The following CSRNP3 variants were observed in gnomAD, a reference collection of about 807,000 sequenced individuals.
The protein encoded by CSRNP3 is cysteine and serine rich nuclear protein 3, also known as cysteine/serine-rich nuclear protein 3.
In CSRNP3, 12 loss-of-function variants were observed where a neutral mutation model predicts 48.0. The observed-to-expected ratio is 0.25, with a 90% CI of 0.16 to 0.41. CSRNP3 has a LOEUF of 0.41. Ranked by LOEUF, CSRNP3 falls within the 10% of genes least tolerant of loss-of-function variation. The pLI is 1.00. For synonymous variants in CSRNP3, 263 were observed against 269.7 expected, an observed-to-expected ratio of 0.98 and a Z score of 0.24; for missense variants, 580 against 724.4, an observed-to-expected ratio of 0.80 and a Z score of 2.29.
chr2:165,636,820 T>C (rs914880880), intron 4 of CSRNP3, among the ~76,000 whole-genome samples: 1 of 152,236 alleles, frequency 6.6e-6, no homozygotes, highest in African/African-American at 2.4e-5. Flanking sequence ...TATTAAGCAT[T>C]AATTAGTTCA....
intron 3 of CSRNP3, among the ~76,000 whole-genome samples, chr2:165,521,443 C>T (rs898033844): frequency 6.6e-6 from 1 of 152,154 alleles, no homozygotes; most frequent in Non-Finnish European, 1.5e-5. Flanking sequence ...ATTTGCTTTA[C>T]AAAATTGCCA....
intron 4 of CSRNP3, among the ~76,000 whole-genome samples, chr2:165,634,976 G>A (rs948838729): frequency 6.6e-6 from 1 of 152,204 alleles, no homozygotes; most frequent in Non-Finnish European, 1.5e-5. Flanking sequence ...GGCCCAGCAG[G>A]CTATTGAATC....
At chr2:165,544,010 TAC>T (rs1039187031) in intron 3 of CSRNP3, among the ~76,000 whole-genome samples, 20 of 147,408 alleles carry the variant, frequency 1.4e-4, no homozygotes, top group African/African-American at 4.6e-4. Context: ...TATATATATA[TAC>T]ACACACAATG....
intron 3 of CSRNP3, among the ~76,000 whole-genome samples, chr2:165,541,946 CT>C (rs1390912768): frequency 1.3e-5 from 2 of 152,056 alleles, no homozygotes; most frequent in African/African-American, 4.8e-5. Flanking sequence ...CCAAAATTGC[CT>C]TCTTATTAAT....
At chr2:165,597,578 A>G (rs1232726859) in intron 4 of CSRNP3, among the ~76,000 whole-genome samples, 1 of 152,142 alleles carries the variant, frequency 6.6e-6, no homozygotes, top group Non-Finnish European at 1.5e-5. Flanking sequence ...AAGAAGAAAT[A>G]ATCACATTGG....
At position 165,657,852 on chromosome 2, in the gene CSRNP3, C is replaced by A; in HGVS notation, c.240C>A (p.Gly80=). 4.3e-6 allele frequency: 7 copies of A among 1,614,068 alleles called. No homozygotes were observed. Among genetic ancestry groups the A allele is most frequent in the Non-Finnish European group, 5.9e-6 (7 of 1,179,994 alleles). The part of the protein sequence containing the change: ...VTVYYFTRRQ[G]FTSVPSQGGS... ...TGTACTACTTCACCAGGAGGCAAGG[C>A]TTCACAAGTGTGCCCAGTCAAGGGG... The change falls in exon 5 of 7, where the codon GGC becomes GGA. Residue 80 remains glycine (G), a synonymous_variant. Coordinates refer to ENST00000651982, the MANE Select transcript of CSRNP3 (RefSeq NM_001172173.2).
chr2:165,485,144 T>C (rs1355470497), intron 1 of CSRNP3, among the ~76,000 whole-genome samples: 7 of 152,180 alleles, frequency 4.6e-5, no homozygotes, highest in Non-Finnish European at 1.0e-4. Context: ...ATTGTGTCTA[T>C]CGGAAACTAA....
At chr2:165,654,088 A>G (rs925287951) in intron 4 of CSRNP3, among the ~76,000 whole-genome samples, 1 of 151,600 alleles carries the variant, frequency 6.6e-6, no homozygotes, top group African/African-American at 2.4e-5. Flanking sequence ...ATGGCCTTGA[A>G]TAATAATGCC....
chr2:165,576,564 G>C (rs1685454193), intron 3 of CSRNP3, among the ~76,000 whole-genome samples: 1 of 152,058 alleles, frequency 6.6e-6, no homozygotes, highest in African/African-American at 2.4e-5. Context: ...TTGTGATTCT[G>C]TGAGCCACAA....
chr2:165,494,843 T>G lies in CSRNP3; in HGVS notation c.-198T>G, dbSNP rs540198515. On this transcript the variant is annotated 5_prime_UTR_variant, in exon 2 of 7. Coordinates refer to ENST00000651982, the MANE Select transcript of CSRNP3 (RefSeq NM_001172173.2). ...AACGGCTCCTCACCCTGCTCTTCAG[T>G]GCAGGAATCAGATGATGAAGTTTTC... 159 of 193,674 alleles carry G rather than the reference T, an allele frequency of 8.2e-4. 1 individual carries two copies. Among genetic ancestry groups the G allele is most frequent in the Middle Eastern group, 6.8e-3 (3 of 442 alleles). The allele number at this position is 193,674 out of a possible 1,614,324, so 12.0% of individuals were successfully genotyped here. A position where few individuals can be genotyped will look rare whatever the true frequency, so the allele number is the denominator to read the frequency against.
intron 4 of CSRNP3, among the ~76,000 whole-genome samples, chr2:165,641,561 A>C (rs1686722214): frequency 6.6e-6 from 1 of 152,064 alleles, no homozygotes; most frequent in African/African-American, 2.4e-5. Context: ...TCTTCTTCTC[A>C]CTTTTTCCTT....
chr2:165,612,406 C>A (rs1223534855), intron 4 of CSRNP3, among the ~76,000 whole-genome samples: 1 of 151,976 alleles, frequency 6.6e-6, no homozygotes, highest in Non-Finnish European at 1.5e-5. Context: ...TAGAAATGAT[C>A]ATTTCTCTGT....
chr2:165,635,066 G>A (rs1686605646), intron 4 of CSRNP3, among the ~76,000 whole-genome samples: 1 of 152,182 alleles, frequency 6.6e-6, no homozygotes, highest in Non-Finnish European at 1.5e-5. Flanking sequence ...TCCGGGCTTG[G>A]TGTTCTCAGC....
intron 4 of CSRNP3, among the ~76,000 whole-genome samples, chr2:165,625,166 T>G (rs938074458): frequency 4.6e-5 from 7 of 152,180 alleles, no homozygotes; most frequent in Non-Finnish European, 8.8e-5. Flanking sequence ...AGTGAGCCTT[T>G]CTTTCATTCA....
chr2:165,532,408 T>C (rs1459872347), intron 3 of CSRNP3, among the ~76,000 whole-genome samples: 2 of 151,952 alleles, frequency 1.3e-5, no homozygotes, highest in African/African-American at 4.8e-5. Flanking sequence ...GTTCAACATA[T>C]GCAAATCAAT....
intron 3 of CSRNP3, among the ~76,000 whole-genome samples, chr2:165,519,188 G>T (rs1684619203): frequency 2.0e-5 from 3 of 152,044 alleles, no homozygotes; most frequent in South Asian, 2.1e-4. Context: ...GGAATGAAAA[G>T]TCTCTTGACA....
At chr2:165,545,823 CAT>C (rs1228379880) in intron 3 of CSRNP3, among the ~76,000 whole-genome samples, 1 of 151,962 alleles carries the variant, frequency 6.6e-6, no homozygotes, top group Non-Finnish European at 1.5e-5. Flanking sequence ...AAATAATAAA[CAT>C]TGCTGATCTT....
intron 6 of CSRNP3, among the ~76,000 whole-genome samples, chr2:165,677,733 T>C (rs760565710): frequency 6.6e-6 from 1 of 152,188 alleles, no homozygotes; most frequent in Admixed American, 6.5e-5. Flanking sequence ...GCAGAGCAAG[T>C]TTTTTTCTCT....
At chr2:165,667,040 AAGAG>A (rs1229305267) in intron 5 of CSRNP3, among the ~76,000 whole-genome samples, 2 of 77,830 alleles carry the variant, frequency 2.6e-5, no homozygotes, top group Non-Finnish European at 6.2e-5. Context: ...GGAAGAAAGA[AAGAG>A]AGAGAGAAAG....
Sources: allele counts gnomAD v4.1 joint callset (sites outside exome capture counted in the v4.1 genomes callset), GRCh38; gene constraint gnomAD v4.1.1; transcripts MANE v1.5; gene names NCBI Gene and HGNC (gene_info 2026-07-23, HGNC 2026-07-21).